Variants in ZNF804B observed in about 807,000 individuals in gnomAD.
The protein encoded by ZNF804B is zinc finger protein 804B.
In ZNF804B, 80 loss-of-function variants were observed where a neutral mutation model predicts 101.4. The observed-to-expected ratio is 0.79, with a 90% confidence interval of 0.66 to 0.95. The LOEUF (loss-of-function observed/expected upper bound fraction) is 0.95. ZNF804B is among the 40% of genes least tolerant of loss of function. The pLI, the probability that ZNF804B is intolerant of heterozygous loss-of-function variation, is 0.00. For missense variants in ZNF804B, 1,673 were observed against 1,561.9 expected (o/e 1.07, Z -1.20); for synonymous variants, 622 against 558.8 (o/e 1.11, Z -1.59).
intron 1 of ZNF804B, among the ~76,000 whole-genome samples, chr7:88,989,164 A>AT (rs1240606207): frequency 6.7e-6 from 1 of 149,700 alleles, no homozygotes; most frequent in Non-Finnish European, 1.5e-5. Flanking sequence ...CTAGGACTTA[A>AT]TTTTTTGTAT....
At chr7:89,321,826 A>T (rs1436994463) in intron 2 of ZNF804B, among the ~76,000 whole-genome samples, 1 of 152,154 alleles carries the variant, frequency 6.6e-6, no homozygotes, top group Admixed American at 6.5e-5. Context: ...CATTTTAAAG[A>T]CACAATCTGT....
At chr7:89,219,884 T>C (rs1023073513) in intron 2 of ZNF804B, among the ~76,000 whole-genome samples, 2 of 142,640 alleles carry the variant, frequency 1.4e-5, no homozygotes, top group African/African-American at 2.6e-5. Context: ...AGTATATGTG[T>C]GTATATATGT....
chr7:88,978,434 A>G (rs1157308208), intron 1 of ZNF804B, among the ~76,000 whole-genome samples: 1 of 151,812 alleles, frequency 6.6e-6, no homozygotes, highest in Non-Finnish European at 1.5e-5. Flanking sequence ...TGCAATTGTT[A>G]TATCCCCTTG....
rs145913943 is a variant in ZNF804B at position 89,202,375 on chromosome 7, CA to C, written c.109-15776del. Reference sequence around the variant, plus strand: ...CTACAACTAGTGATCTATGGACTAGCAAAACTCTAAATGCATTTTTTAAAGC... The same window carrying C: ...CTACAACTAGTGATCTATGGACTAGCAAACTCTAAATGCATTTTTTAAAGC... On this transcript the variant is annotated intron_variant, in intron 1 of 3. Transcript: ENST00000333190. Among the ~76,000 whole-genome samples, 666 of 151,994 alleles carry C rather than the reference CA, an allele frequency of 4.4e-3. 6 individuals are homozygous for C. The highest frequency in any genetic ancestry group is 0.015 in the African/African-American group (612 of 41,466).
intron 1 of ZNF804B, among the ~76,000 whole-genome samples, chr7:89,032,993 A>G (rs1167301506): frequency 6.6e-6 from 1 of 151,808 alleles, no homozygotes; most frequent in Non-Finnish European, 1.5e-5. Flanking sequence ...TAAATATACA[A>G]TAAATTATTT....
intron 1 of ZNF804B, among the ~76,000 whole-genome samples, chr7:88,811,675 G>A (rs1301766330): frequency 6.6e-6 from 1 of 152,058 alleles, no homozygotes; most frequent in Non-Finnish European, 1.5e-5. Context: ...ATTTACAGGG[G>A]CATAAATGGA....
intron 1 of ZNF804B, among the ~76,000 whole-genome samples, chr7:89,148,202 A>G (rs1790818115): frequency 6.6e-6 from 1 of 152,130 alleles, no homozygotes; most frequent in Non-Finnish European, 1.5e-5. Flanking sequence ...CACAAGGTAT[A>G]TAATATCTAT....
chr7:89,026,640 A>C (rs2116224406), intron 1 of ZNF804B, among the ~76,000 whole-genome samples: 1 of 152,218 alleles, frequency 6.6e-6, no homozygotes, highest in South Asian at 2.1e-4. Context: ...AAATGATAGA[A>C]CCTAACGACT....
intron 1 of ZNF804B, among the ~76,000 whole-genome samples, chr7:88,785,325 C>G (rs561072619): frequency 6.6e-6 from 1 of 151,942 alleles, no homozygotes; most frequent in African/African-American, 2.4e-5. Context: ...GTATTGGACA[C>G]GTCTCTTGAT....
At chr7:89,047,919 T>G (rs1789136465) in intron 1 of ZNF804B, among the ~76,000 whole-genome samples, 1 of 151,864 alleles carries the variant, frequency 6.6e-6, no homozygotes, top group East Asian at 1.9e-4. Flanking sequence ...CCTTTGGATA[T>G]AGAGCCTTTT....
intron 2 of ZNF804B, among the ~76,000 whole-genome samples, chr7:89,238,066 A>G (rs1789311333): frequency 6.6e-6 from 1 of 152,140 alleles, no homozygotes. Flanking sequence ...TGCACGAATG[A>G]ATGCAGGTAA....
intron 1 of ZNF804B, among the ~76,000 whole-genome samples, chr7:88,983,189 A>G (rs557277842): frequency 1.1e-4 from 16 of 152,198 alleles, no homozygotes; most frequent in African/African-American, 2.9e-4. Context: ...GCTTGCTAGC[A>G]ATGAAGACTC....
intron 1 of ZNF804B, among the ~76,000 whole-genome samples, chr7:89,094,417 A>G (rs1160610769): frequency 6.6e-6 from 1 of 152,192 alleles, no homozygotes; most frequent in African/African-American, 2.4e-5. Context: ...CTAAATGCTG[A>G]GAAAGTCTAC....
At chr7:89,047,196 A>G (rs17166451) in intron 1 of ZNF804B, among the ~76,000 whole-genome samples, 2,982 of 152,256 alleles carry the variant, frequency 0.02, 41 homozygotes, top group South Asian at 0.031. Flanking sequence ...TCGTCATTGT[A>G]GTATTCTCTG....
chr7:88,887,909 C>G (rs1206550994), intron 1 of ZNF804B, among the ~76,000 whole-genome samples: 1 of 151,970 alleles, frequency 6.6e-6, no homozygotes, highest in African/African-American at 2.4e-5. Flanking sequence ...TTAAAAAACA[C>G]AGGAATGTAT....
chr7:89,337,146 A>C lies in ZNF804B; in HGVS notation c.*114A>C, dbSNP rs1791110798. On this transcript the variant is annotated 3_prime_UTR_variant, in exon 4 of 4. Coordinates refer to ENST00000333190, the MANE Select transcript of ZNF804B (RefSeq NM_181646.5). ...TTTAAAATATTGCTGCCAATTCAAA[A>C]TGTGACAAATATATAAATATGATCT... The C allele has an allele frequency of 9.3e-7, 1 of 1,069,796 alleles. No individual in the cohort carries two copies. The highest frequency in any genetic ancestry group is 2.9e-5 in the Admixed American group (1 of 34,438). 66.3% of individuals were successfully genotyped at this position (1,069,796 alleles called of 1,614,324 possible).
intron 1 of ZNF804B, among the ~76,000 whole-genome samples, chr7:89,018,987 G>A (rs763563056): frequency 6.6e-6 from 1 of 151,780 alleles, no homozygotes; most frequent in Non-Finnish European, 1.5e-5. Flanking sequence ...GTTTTGTTTA[G>A]TTCTTTTCTG....
chr7:89,012,106 C>T (rs1315247281), intron 1 of ZNF804B, among the ~76,000 whole-genome samples: 1 of 152,164 alleles, frequency 6.6e-6, no homozygotes, highest in African/African-American at 2.4e-5. Context: ...ATGTTTAAGC[C>T]ACCGAAGTTT....
At chr7:89,231,992 G>C (rs942274639) in intron 2 of ZNF804B, among the ~76,000 whole-genome samples, 26 of 152,060 alleles carry the variant, frequency 1.7e-4, no homozygotes, top group African/African-American at 6.0e-4. Flanking sequence ...CCACTTTTGT[G>C]TTCTGAATCG....
Sources: gnomAD v4.1 joint callset for allele counts (sites outside exome capture counted in the v4.1 genomes callset) on GRCh38, gnomAD v4.1.1 for gene constraint, MANE v1.5 for transcripts, NCBI Gene and HGNC (gene_info 2026-07-23, HGNC 2026-07-21) for gene names.